Variants in PHACTR3 observed in about 807,000 individuals in gnomAD.
PHACTR3 encodes the protein protein phosphatase 1, regulatory subunit 123.
PHACTR3 carries 16 observed loss-of-function variants against 66.8 expected under a neutral mutation model. The observed-to-expected ratio is 0.24, with a 90% CI of 0.16 to 0.36. PHACTR3 has a LOEUF of 0.36. Among genes scored for constraint, PHACTR3 ranks in the 10% least tolerant of loss-of-function variants. The pLI is 1.00. For synonymous variants in PHACTR3, 323 were observed against 292.1 expected (o/e 1.11, Z -1.08); for missense variants, 647 against 719.9 (o/e 0.90, Z 1.16).
At chr20:59,715,375 G>A (rs2038057320) in intron 1 of PHACTR3, among the ~76,000 whole-genome samples, 1 of 152,146 alleles carries the variant, frequency 6.6e-6, no homozygotes, top group Non-Finnish European at 1.5e-5. Context: ...TGTATTTGTG[G>A]AAGTGATCCT....
At chr20:59,708,055 C>T (rs542229616) in intron 1 of PHACTR3, among the ~76,000 whole-genome samples, 45 of 152,322 alleles carry the variant, frequency 3.0e-4, no homozygotes, top group African/African-American at 8.2e-4. Flanking sequence ...GGTCACATGT[C>T]CATCCCCTGA....
chr20:59,716,453 A>G (rs1474615605), intron 1 of PHACTR3, among the ~76,000 whole-genome samples: 2 of 151,990 alleles, frequency 1.3e-5, no homozygotes, highest in East Asian at 3.9e-4. Context: ...GGGTTTCACC[A>G]TGTTGCCCAG....
At chr20:59,841,024 A>C (rs1002205316) in intron 10 of PHACTR3, among the ~76,000 whole-genome samples, 1 of 152,168 alleles carries the variant, frequency 6.6e-6, no homozygotes, top group Non-Finnish European at 1.5e-5. Context: ...AATTAACAGA[A>C]TATCCTTCCT....
In PHACTR3 at chr20:59,620,468, G is replaced by A. The variant is rs867314265; in HGVS notation, c.118+15336G>A. Among the ~76,000 whole-genome samples, 4 of 152,234 alleles carry A rather than the reference G, an allele frequency of 2.6e-5. No homozygotes were observed. In the South Asian group the frequency reaches 8.3e-4, roughly 32 times the overall value. On this transcript the variant is annotated intron_variant, in intron 1 of 12. Transcript: ENST00000371015. ...CCTTAGCGTCCGCCAATGTGGAACA[G>A]TTCCTTAGTGTCTTCATAGCCTGAT...
chr20:59,714,724 T>C (rs1424127575), intron 1 of PHACTR3, among the ~76,000 whole-genome samples: 1 of 152,252 alleles, frequency 6.6e-6, no homozygotes, highest in Non-Finnish European at 1.5e-5. Context: ...ATAAACCTTT[T>C]GTAAGTTGGA....
At chr20:59,635,947 A>T (rs115663483) in intron 1 of PHACTR3, among the ~76,000 whole-genome samples, 1 of 152,228 alleles carries the variant, frequency 6.6e-6, no homozygotes, top group African/African-American at 2.4e-5. Flanking sequence ...TGTGTTTTTC[A>T]TGTTTGTCCA....
chr20:59,610,232 G>A (rs535166055), intron 1 of PHACTR3, among the ~76,000 whole-genome samples: 13 of 152,342 alleles, frequency 8.5e-5, no homozygotes, highest in East Asian at 7.7e-4. Flanking sequence ...TCCAACCTGC[G>A]TGACAGAGGT....
intron 8 of PHACTR3, among the ~76,000 whole-genome samples, chr20:59,819,565 G>T (rs899928693): frequency 6.6e-6 from 1 of 151,760 alleles, no homozygotes. Context: ...AAAACAAAAT[G>T]GTGGGAAGGT....
rs149593856 is a variant in PHACTR3, at chr20:59,766,254, G to A, written c.542-932G>A. 3.9e-5 allele frequency among the ~76,000 whole-genome samples: 6 copies of A among 152,296 alleles called. No homozygotes were observed. The East Asian group carries it at 5.8e-4, about 15-fold the overall frequency. ...CCTGCAGGAGGAAGCTCCTGGCCACGGGTCCTGCAGAGTGACAGTTCTTCC... is the reference window on the plus strand; with the variant it reads ...CCTGCAGGAGGAAGCTCCTGGCCACAGGTCCTGCAGAGTGACAGTTCTTCC... On this transcript the variant is annotated intron_variant, in intron 4 of 12. Coordinates refer to ENST00000371015, the MANE Select transcript of PHACTR3 (RefSeq NM_080672.5).
At chr20:59,776,745 G>GGCAGCATGGTTGAGCCA (rs2040551597) in intron 7 of PHACTR3, among the ~76,000 whole-genome samples, 2 of 151,038 alleles carry the variant, frequency 1.3e-5, no homozygotes, top group South Asian at 2.1e-4. Context: ...AACCCTCTGT[G>GGCAGCATGGTTGAGCCA]GCAGCGTGGT....
intron 1 of PHACTR3, among the ~76,000 whole-genome samples, chr20:59,710,135 A>G (rs1023030417): frequency 5.3e-5 from 8 of 152,166 alleles, no homozygotes; most frequent in African/African-American, 1.9e-4. Flanking sequence ...GGTTTCTGGA[A>G]AGATTTATTT....
intron 7 of PHACTR3, among the ~76,000 whole-genome samples, chr20:59,800,200 T>C (rs1436390989): frequency 6.6e-6 from 1 of 152,216 alleles, no homozygotes; most frequent in East Asian, 1.9e-4. Flanking sequence ...TAAAGATAAA[T>C]AATAAGAAAA....
chr20:59,831,888 T>C (rs908887829), intron 8 of PHACTR3, among the ~76,000 whole-genome samples: 1 of 152,210 alleles, frequency 6.6e-6, no homozygotes, highest in African/African-American at 2.4e-5. Flanking sequence ...GCTTCATGAC[T>C]CGTTCAACCT....
chr20:59,683,836 C>T (rs2036755630), intron 1 of PHACTR3, among the ~76,000 whole-genome samples: 1 of 152,154 alleles, frequency 6.6e-6, no homozygotes. Flanking sequence ...TCCCCTTTTA[C>T]CCTGTTATGT....
chr20:59,829,355 C>CTTT lies in PHACTR3; in HGVS notation c.1329-7149_1329-7147dup, dbSNP rs1029352283. Among the ~76,000 whole-genome samples, 3 of 152,204 alleles carry CTTT rather than the reference C, an allele frequency of 2.0e-5. No homozygotes were observed. Among genetic ancestry groups the CTTT allele is most frequent in the Non-Finnish European group, 4.4e-5 (3 of 68,036 alleles). On this transcript the variant is annotated intron_variant, in intron 8 of 12. Transcript: ENST00000371015. The surrounding 1 kb of genome is among the most constrained non-coding windows in gnomAD (Gnocchi z 4.2). ...CTCTGCCTGGATGCCCATCCCAGGT[C>CTTT]TTTCCCTGGGCGGTTTCTTTCATCA...
chr20:59,828,959 C>CGGAT (rs1302299731), intron 8 of PHACTR3, among the ~76,000 whole-genome samples: 1 of 151,680 alleles, frequency 6.6e-6, no homozygotes, highest in Non-Finnish European at 1.5e-5. Context: ...GATGGATGGA[C>CGGAT]GGATGGATGG....
chr20:59,589,699 T>A (rs983242737), intron 1 of PHACTR3, among the ~76,000 whole-genome samples: 1 of 152,052 alleles, frequency 6.6e-6, no homozygotes, highest in African/African-American at 2.4e-5. Context: ...CCAGTAAACA[T>A]AGGAAACGTC....
intron 1 of PHACTR3, among the ~76,000 whole-genome samples, chr20:59,588,369 C>A (rs2033095103): frequency 6.6e-6 from 1 of 152,208 alleles, no homozygotes; most frequent in Non-Finnish European, 1.5e-5. Flanking sequence ...CCAGTCCAGG[C>A]TGCCCCATCT....
chr20:59,609,858 A>C (rs920253832), intron 1 of PHACTR3, among the ~76,000 whole-genome samples: 6 of 152,234 alleles, frequency 3.9e-5, no homozygotes, highest in African/African-American at 1.4e-4. Flanking sequence ...GTTATTAAAA[A>C]CATAAAAGCT....
Sources: gnomAD v4.1 joint callset for allele counts (sites outside exome capture counted in the v4.1 genomes callset) on GRCh38, gnomAD v4.1.1 for gene constraint, Gnocchi (gnomAD v3.1) non-coding constraint, MANE v1.5 for transcripts, NCBI Gene and HGNC (gene_info 2026-07-23, HGNC 2026-07-21) for gene names.